The following PCED1B variants were observed in gnomAD, a reference collection of about 807,000 sequenced individuals.
The protein encoded by PCED1B is PC-esterase domain containing 1B, also known as PC-esterase domain-containing protein 1B.
For synonymous variants in PCED1B, 251 were observed against 246.1 expected, an observed-to-expected ratio of 1.02 and a Z score of -0.19; for missense variants, 573 against 573.9, an observed-to-expected ratio of 1.00 and a Z score of 0.02.
intron 2 of PCED1B, among the ~76,000 whole-genome samples, chr12:47,110,336 G>C (rs1050092334): frequency 2.0e-5 from 3 of 152,060 alleles, no homozygotes; most frequent in African/African-American, 7.2e-5. Flanking sequence ...TGTCAACAAA[G>C]AGGAAAGCGC....
chr12:47,097,723 G>A (rs968779517), intron 1 of PCED1B, among the ~76,000 whole-genome samples: 2 of 152,146 alleles, frequency 1.3e-5, no homozygotes, highest in East Asian at 1.9e-4. Flanking sequence ...GAGGCTATAC[G>A]ACTCTTCTGC....
chr12:47,212,341 A>G (rs1340613947), intron 2 of PCED1B, among the ~76,000 whole-genome samples: 1 of 152,296 alleles, frequency 6.6e-6, no homozygotes, highest in Admixed American at 6.5e-5. Context: ...TGTGGTTTAA[A>G]GGTAAGGGAC....
At chr12:47,106,169 A>G (rs1446320625) in intron 2 of PCED1B, among the ~76,000 whole-genome samples, 1 of 151,988 alleles carries the variant, frequency 6.6e-6, no homozygotes, top group East Asian at 1.9e-4. Context: ...GCTTGGCCAC[A>G]AGAGTCCACA....
At chr12:47,142,565 GCAATCATGGAAACAAT>G (rs1940633922) in intron 2 of PCED1B, among the ~76,000 whole-genome samples, 1 of 151,322 alleles carries the variant, frequency 6.6e-6, no homozygotes, top group African/African-American at 2.4e-5. Context: ...ACAAACAAAT[GCAATCATGGAAACAAT>G]CCATAAACAA....
intron 2 of PCED1B, among the ~76,000 whole-genome samples, chr12:47,120,551 C>T (rs1431088353): frequency 1.3e-5 from 2 of 152,118 alleles, no homozygotes; most frequent in Non-Finnish European, 2.9e-5. Flanking sequence ...CCTGTAATCC[C>T]AGCACTTTGG....
chr12:47,235,245 T>C lies in PCED1B; in HGVS notation c.182T>C (p.Leu61Pro). 1 of 1,613,298 alleles carries C rather than the reference T, an allele frequency of 6.2e-7. No homozygotes were observed. The highest frequency in any genetic ancestry group is 8.5e-7 in the Non-Finnish European group (1 of 1,179,482). The change falls in exon 4 of 4, where the codon CTG becomes CCG. Residue 61 changes from leucine (L) to proline (P), a missense_variant. Leu to Pro is a moderately conservative substitution (Grantham distance 98, BLOSUM62 -3). Transcript: ENST00000546455. ...GAGCTGAACTTCGAACAAGATGAGC[T>C]GGTGGACGGAGGCCAGCGGGGCCAC... ...RGELNFEQDELVDGGQRGHMH... is the reference protein window; with the variant it reads ...RGELNFEQDEPVDGGQRGHMH...
At chr12:47,222,820 G>A (rs541868191) in intron 3 of PCED1B, among the ~76,000 whole-genome samples, 1 of 152,284 alleles carries the variant, frequency 6.6e-6, no homozygotes, top group South Asian at 2.1e-4. Context: ...CTCAGCCAGT[G>A]TGCTTTATTG....
intron 2 of PCED1B, among the ~76,000 whole-genome samples, chr12:47,148,740 C>A (rs539155199): frequency 6.6e-6 from 1 of 152,246 alleles, no homozygotes; most frequent in Admixed American, 6.5e-5. Context: ...GGAAATGCAC[C>A]CTTAGTTTTA....
chr12:47,082,463 A>G (rs1383371191), intron 1 of PCED1B, among the ~76,000 whole-genome samples: 1 of 152,232 alleles, frequency 6.6e-6, no homozygotes, highest in Non-Finnish European at 1.5e-5. Context: ...CCTGAAGGCC[A>G]CTGCATACTT....
At chr12:47,146,731 T>TA (rs1940798909) in intron 2 of PCED1B, among the ~76,000 whole-genome samples, 2 of 152,358 alleles carry the variant, frequency 1.3e-5, no homozygotes, top group South Asian at 4.1e-4. Flanking sequence ...AGTGTAAACA[T>TA]AACTTTTGCA....
At chr12:47,133,418 G>T (rs1940214787) in intron 2 of PCED1B, among the ~76,000 whole-genome samples, 1 of 152,176 alleles carries the variant, frequency 6.6e-6, no homozygotes, top group South Asian at 2.1e-4. Context: ...TGGACCAAAA[G>T]TAGGCATGTA....
chr12:47,112,198 A>G (rs1037708652), intron 2 of PCED1B, among the ~76,000 whole-genome samples: 3 of 152,206 alleles, frequency 2.0e-5, no homozygotes, highest in African/African-American at 7.2e-5. Flanking sequence ...ATACTGCACC[A>G]AGCACAGCAT....
chr12:47,161,336 TC>T (rs550971701), intron 2 of PCED1B, among the ~76,000 whole-genome samples: 18 of 152,334 alleles, frequency 1.2e-4, no homozygotes, highest in African/African-American at 4.3e-4. Context: ...AATGGTGTTT[TC>T]CCCATTGAAT....
chr12:47,081,906 T>C (rs1219555496), intron 1 of PCED1B, among the ~76,000 whole-genome samples: 1 of 152,178 alleles, frequency 6.6e-6, no homozygotes, highest in East Asian at 1.9e-4. Context: ...AGGCATATTG[T>C]AGAAACATTA....
chr12:47,159,896 T>G (rs1941314668), intron 2 of PCED1B, among the ~76,000 whole-genome samples: 1 of 151,862 alleles, frequency 6.6e-6, no homozygotes, highest in Admixed American at 6.6e-5. Flanking sequence ...CTATAATCCA[T>G]CTTGAGTTGA....
chr12:47,082,965 G>C (rs973547803), intron 1 of PCED1B, among the ~76,000 whole-genome samples: 8 of 150,358 alleles, frequency 5.3e-5, no homozygotes, highest in African/African-American at 2.0e-4. Flanking sequence ...AGGGATAGTA[G>C]AATGTGGCTT....
chr12:47,148,427 A>G (rs1940870161), intron 2 of PCED1B, among the ~76,000 whole-genome samples: 1 of 152,240 alleles, frequency 6.6e-6, no homozygotes, highest in Non-Finnish European at 1.5e-5. Flanking sequence ...AAAAAAATTT[A>G]GAATTCTGTT....
At chr12:47,210,162 T>C (rs1307733592) in intron 2 of PCED1B, 2 of 152,256 alleles carry the variant, frequency 1.3e-5, no homozygotes, top group Admixed American at 1.3e-4. Context: ...GGTCAGTTTA[T>C]TCAACCAGAA....
intron 2 of PCED1B, among the ~76,000 whole-genome samples, chr12:47,171,565 C>G (rs142974438): frequency 2.0e-3 from 310 of 152,272 alleles, no homozygotes; most frequent in African/African-American, 7.1e-3. Flanking sequence ...TTTGTTTCCT[C>G]TCTTCATCTT....
Sources: gnomAD v4.1 joint callset for allele counts (sites outside exome capture counted in the v4.1 genomes callset) on GRCh38, gnomAD v4.1.1 for gene constraint, MANE v1.5 for transcripts, NCBI Gene and HGNC (gene_info 2026-07-23, HGNC 2026-07-21) for gene names.